Variants in PPP2R5C observed in about 807,000 individuals in gnomAD.
PPP2R5C encodes the protein serine/threonine-protein phosphatase 2A 56 kDa regulatory subunit gamma isoform.
A neutral mutation model predicts 68.9 loss-of-function variants in PPP2R5C; 7 were observed. The observed-to-expected ratio is 0.10, with a 90% CI of 0.06 to 0.19. PPP2R5C has a LOEUF of 0.19. Among genes scored for constraint, PPP2R5C ranks in the 10% least tolerant of loss-of-function variants. The pLI is 1.00. For synonymous variants in PPP2R5C, 210 were observed against 222.2 expected (o/e 0.95, Z 0.49); for missense variants, 348 against 641.3 (o/e 0.54, Z 4.94).
chr14:101,845,110 G>C (rs2041744228), intron 1 of PPP2R5C, among the ~76,000 whole-genome samples: 1 of 150,282 alleles, frequency 6.7e-6, no homozygotes, highest in Non-Finnish European at 1.5e-5. Context: ...CTAGGAGTTT[G>C]TTTGACCTGT....
At chr14:101,903,728 T>C (rs1595518129) in intron 9 of PPP2R5C, among the ~76,000 whole-genome samples, 1 of 151,882 alleles carries the variant, frequency 6.6e-6, no homozygotes, top group Non-Finnish European at 1.5e-5. Context: ...GAGGCTGGAG[T>C]GCAGTGGTGC....
At chr14:101,789,138 GT>G (rs1272745933) in intron 3 of PPP2R5C, among the ~76,000 whole-genome samples, 5 of 152,130 alleles carry the variant, frequency 3.3e-5, no homozygotes, top group Non-Finnish European at 7.4e-5. Flanking sequence ...TAGTCCTGTT[GT>G]TTGCAATAGA....
At chr14:101,772,263 C>G (rs1445457115) in intron 2 of PPP2R5C, among the ~76,000 whole-genome samples, 3 of 151,724 alleles carry the variant, frequency 2.0e-5, no homozygotes, top group Non-Finnish European at 4.4e-5. Flanking sequence ...AAGAGGAGGG[C>G]AAGAAGAAGA....
In PPP2R5C at chr14:101,917,019, C is replaced by T. The variant is rs2046708989; in HGVS notation, c.1327-812C>T. The stretch of plus-strand genomic sequence containing the variant: ...CAGCTCACAGCAGACACAGATGCCA[C>T]TTCCTTCGCCTGTGCCCTCAGAGCC... On this transcript the variant is annotated intron_variant, in intron 12 of 13. Coordinates refer to ENST00000334743, the Ensembl canonical transcript of PPP2R5C. This position sits in a 1 kb window ranked among gnomAD's most constrained non-coding sequence, Gnocchi z 4.4. Among the ~76,000 whole-genome samples the T allele has an allele frequency of 6.6e-6, 1 of 152,172 alleles. No individual in the cohort carries two copies. Among genetic ancestry groups the T allele is most frequent in the African/African-American group, 2.4e-5 (1 of 41,434 alleles).
At chr14:101,846,006 G>A (rs985593085) in intron 1 of PPP2R5C, among the ~76,000 whole-genome samples, 3 of 152,296 alleles carry the variant, frequency 2.0e-5, no homozygotes, top group East Asian at 1.9e-4. Flanking sequence ...CCACCCACAC[G>A]GAGTGGAAAG....
At chr14:101,861,471 G>T (rs1028875203) in intron 2 of PPP2R5C, among the ~76,000 whole-genome samples, 3 of 152,074 alleles carry the variant, frequency 2.0e-5, no homozygotes, top group African/African-American at 7.3e-5. Flanking sequence ...AGCAGTAGTG[G>T]GTACAACATT....
chr14:101,849,185 G>A (rs1053531744), intron 1 of PPP2R5C, among the ~76,000 whole-genome samples: 1 of 152,236 alleles, frequency 6.6e-6, no homozygotes, highest in Non-Finnish European at 1.5e-5. Flanking sequence ...TCTAGTCTGA[G>A]CTGTTAGGAC....
intron 2 of PPP2R5C, among the ~76,000 whole-genome samples, chr14:101,784,852 C>T (rs2038013846): frequency 1.3e-5 from 2 of 152,338 alleles, no homozygotes; most frequent in Non-Finnish European, 2.9e-5. Flanking sequence ...TCGCAGCAAA[C>T]AGCTGTGGGC....
chr14:101,920,766 AGTTTTT>A (rs1275927987), intron 13 of PPP2R5C, among the ~76,000 whole-genome samples: 1 of 152,168 alleles, frequency 6.6e-6, no homozygotes, highest in Non-Finnish European at 1.5e-5. Flanking sequence ...GACTTCTTAT[AGTTTTT>A]GTTTGTGTTT....
intron 5 of PPP2R5C, among the ~76,000 whole-genome samples, chr14:101,886,173 C>T (rs1210757516): frequency 4.0e-5 from 6 of 151,420 alleles, no homozygotes; most frequent in African/African-American, 7.3e-5. Flanking sequence ...CCCAGCTACT[C>T]GGGAGGCTGA....
In PPP2R5C at chr14:101,798,451, GA is replaced by G. The variant is rs569354251; in HGVS notation, c.259+12269del. On this transcript the variant is annotated intron_variant, in intron 3 of 14. Transcript: ENST00000328724. ...TTAAGTAAAGAATAAAACAGTGACA[GA>G]GGGATCAAAGAATAAAGAATAATTC... Among the ~76,000 whole-genome samples the G allele has an allele frequency of 2.2e-4, 34 of 152,324 alleles. No homozygotes were observed. In the East Asian group the frequency reaches 6.2e-3, roughly 28 times the overall value.
intron 9 of PPP2R5C, 94 bp downstream of exon 11, chr14:101,901,983 T>C: frequency 1.4e-6 from 2 of 1,409,196 alleles, no homozygotes; most frequent in Non-Finnish European, 1.9e-6. Flanking sequence ...TTGCCTCTCA[T>C]GCAATTTAAA....
At chr14:101,922,171 A>G in intron 13 of PPP2R5C, 1 of 985,408 alleles carries the variant, frequency 1.0e-6, no homozygotes, top group Non-Finnish European at 1.2e-6. Context: ...CCAGATTGTG[A>G]TGGTCAAAAC....
At chr14:101,881,519 G>C (rs1566935501) in intron 2 of PPP2R5C, among the ~76,000 whole-genome samples, 2 of 152,224 alleles carry the variant, frequency 1.3e-5, no homozygotes, top group Non-Finnish European at 2.9e-5. Context: ...TGTTATACAA[G>C]TCCAAACAGA....
At chr14:101,921,549 G>A (rs559385239) in intron 13 of PPP2R5C, among the ~76,000 whole-genome samples, 2 of 152,060 alleles carry the variant, frequency 1.3e-5, no homozygotes, top group South Asian at 4.1e-4. Context: ...AAGGTACCGG[G>A]ATGCAGGAAA....
intron 1 of PPP2R5C, among the ~76,000 whole-genome samples, chr14:101,813,216 T>C (rs1257250126): frequency 1.3e-5 from 2 of 152,222 alleles, no homozygotes; most frequent in African/African-American, 4.8e-5. Context: ...GACACACCTG[T>C]CTTGTGGCTA....
intron 1 of PPP2R5C, chr14:101,836,643 A>C: frequency 2.3e-6 from 1 of 434,948 alleles, no homozygotes; most frequent in Non-Finnish European, 4.1e-6. Context: ...TTTCAGTTAC[A>C]TTTACCTTTA....
exon 2 of PPP2R5C, chr14:101,856,793 G>T (rs765327086): frequency 4.3e-6 from 7 of 1,614,162 alleles, no homozygotes; most frequent in Non-Finnish European, 5.9e-6. Flanking sequence ...GTGGAAGGAA[G>T]TAAAACGAGC....
chr14:101,856,665 A>T (rs2042442779), intron 1 of PPP2R5C, 21 bp from the exon 4 acceptor site: 1 of 1,603,230 alleles, frequency 6.2e-7, no homozygotes, highest in African/African-American at 1.3e-5. Flanking sequence ...TGATCAATAT[A>T]CTTTGCTTTC....
Sources: allele counts gnomAD v4.1 joint callset (sites outside exome capture counted in the v4.1 genomes callset), GRCh38; gene constraint gnomAD v4.1.1; non-coding constraint Gnocchi (gnomAD v3.1); transcripts MANE v1.5; gene names NCBI Gene and HGNC (gene_info 2026-07-23, HGNC 2026-07-21).